Variants in PACS1 observed in about 807,000 individuals in gnomAD.
PACS1 encodes the protein PACS-1.
Under a neutral mutation model 115.0 loss-of-function variants are expected in PACS1, and 24 were observed. The observed-to-expected ratio is 0.21, with a 90% CI of 0.15 to 0.29. PACS1 has a LOEUF of 0.29. PACS1 is among the 10% of genes least tolerant of loss of function. The probability of loss-of-function intolerance (pLI) is 1.00; values close to 1 mark genes in which losing one functional copy is unlikely to be tolerated. For missense variants in PACS1, 838 were observed against 1,251.2 expected (o/e 0.67, Z 4.98); for synonymous variants, 453 against 504.5 (o/e 0.90, Z 1.37).
intron 1 of PACS1, among the ~76,000 whole-genome samples, chr11:66,136,025 G>A (rs745485575): frequency 2.2e-4 from 33 of 152,230 alleles, no homozygotes; most frequent in Middle Eastern, 6.8e-3. Context: ...CTGAAACACT[G>A]TCCACCTGTC....
rs1241998940 is a variant in PACS1 at position 66,194,256 on chromosome 11, G to A, written c.444+683G>A. ...TGGGATTACAGGCGTGAGCCACCGC[G>A]CCCAGCCTGCACTTCAGAGGTTTTC... On this transcript the variant is annotated intron_variant, in intron 2 of 23. Transcript: ENST00000320580. Among the ~76,000 whole-genome samples the A allele has an allele frequency of 2.6e-5, 4 of 152,192 alleles. No individual in the cohort carries two copies. The South Asian group carries it at 8.3e-4, about 31-fold the overall frequency.
chr11:66,079,516 A>T (rs2134498732), intron 1 of PACS1, among the ~76,000 whole-genome samples: 1 of 152,136 alleles, frequency 6.6e-6, no homozygotes. Context: ...GGTACCTCTC[A>T]AACACATTGC....
chr11:66,187,378 T>C (rs184906012), intron 1 of PACS1, among the ~76,000 whole-genome samples: 1 of 152,300 alleles, frequency 6.6e-6, no homozygotes. Flanking sequence ...TTAACTGTAG[T>C]CATCTTTCTG....
At chr11:66,137,640 A>G (rs1858877877) in intron 1 of PACS1, among the ~76,000 whole-genome samples, 2 of 152,142 alleles carry the variant, frequency 1.3e-5, no homozygotes, top group Admixed American at 1.3e-4. Flanking sequence ...GCAGGTTAAT[A>G]AGCATCTCTT....
At position 66,220,633 on chromosome 11, in the gene PACS1, G is replaced by A. The variant is rs1288618173; in HGVS notation, c.1041G>A (p.Val347=). The A allele has an allele frequency of 6.2e-7, 1 of 1,613,706 alleles. No homozygotes were observed. Among genetic ancestry groups the A allele is most frequent in the Admixed American group, 1.7e-5 (1 of 59,874 alleles). ...LLKRFKVSDE[V]GFGLEHVSRE... ...CAGAGACTCCTTTTTCCCTGCAGGT[G>A]GGCTTTGGGCTGGAGCATGTGTCCC... Residue 347 remains valine, a splice_region_variant and synonymous_variant, in exon 9 of 24, where the codon GTG becomes GTA. Transcript: ENST00000320580.
At chr11:66,190,496 G>C (rs1266181806) in intron 1 of PACS1, among the ~76,000 whole-genome samples, 1 of 152,116 alleles carries the variant, frequency 6.6e-6, no homozygotes, top group Non-Finnish European at 1.5e-5. Flanking sequence ...CGCAATCTTG[G>C]CTCACTGCAG....
At chr11:66,104,751 C>T (rs751474247) in intron 1 of PACS1, among the ~76,000 whole-genome samples, 1 of 152,136 alleles carries the variant, frequency 6.6e-6, no homozygotes, top group Admixed American at 6.5e-5. Flanking sequence ...TTGTTTTGCT[C>T]TGTCTTTATC....
At chr11:66,160,782 A>G (rs1407123835) in intron 1 of PACS1, among the ~76,000 whole-genome samples, 2 of 149,488 alleles carry the variant, frequency 1.3e-5, no homozygotes, top group Admixed American at 6.8e-5. Context: ...TCGGCCTCCC[A>G]AAGTGCTGGG....
intron 1 of PACS1, among the ~76,000 whole-genome samples, chr11:66,130,148 C>T (rs1482352457): frequency 6.6e-6 from 1 of 152,154 alleles, no homozygotes. Flanking sequence ...ATGTAACTTT[C>T]AGGGTGAGAA....
chr11:66,200,053 A>C (rs7119561), intron 2 of PACS1, among the ~76,000 whole-genome samples: 31,292 of 142,458 alleles, frequency 0.22, 3,348 homozygotes, highest in Middle Eastern at 0.34. Context: ...CAAAACAAAA[A>C]AAAAAACAAG....
intron 14 of PACS1, among the ~76,000 whole-genome samples, chr11:66,232,564 G>A (rs182102718): frequency 4.6e-5 from 7 of 152,290 alleles, no homozygotes; most frequent in East Asian, 3.9e-4. Context: ...CGCCACATGC[G>A]TCAGGCAGCA....
At chr11:66,154,943 T>C (rs145003234) in intron 1 of PACS1, among the ~76,000 whole-genome samples, 2 of 152,110 alleles carry the variant, frequency 1.3e-5, no homozygotes, top group South Asian at 2.1e-4. Context: ...ATAATAGACA[T>C]GTACATAAAT....
intron 2 of PACS1, 62 bp downstream of exon 2, chr11:66,193,635 C>A: frequency 8.4e-7 from 1 of 1,187,478 alleles, no homozygotes; most frequent in Non-Finnish European, 1.3e-6. Flanking sequence ...TTGCCCACTG[C>A]TGCGGCTTCA....
chr11:66,230,759 G>A, intron 12 of PACS1, 46 bp from the exon 13 acceptor site: 1 of 1,613,612 alleles, frequency 6.2e-7, no homozygotes. Flanking sequence ...AGCAGCTTTG[G>A]GGTTGGAGGG....
At chr11:66,100,072 G>A (rs1857878798) in intron 1 of PACS1, among the ~76,000 whole-genome samples, 1 of 150,854 alleles carries the variant, frequency 6.6e-6, no homozygotes, top group African/African-American at 2.4e-5. Flanking sequence ...TAGAGACGTG[G>A]TCTCGCCATG....
At chr11:66,172,544 G>A (rs1248699215) in intron 1 of PACS1, among the ~76,000 whole-genome samples, 2 of 152,180 alleles carry the variant, frequency 1.3e-5, no homozygotes, top group Non-Finnish European at 2.9e-5. Flanking sequence ...TTGCAAGGCA[G>A]CCACACGGGC....
chr11:66,076,976 A>G (rs112459662), intron 1 of PACS1, among the ~76,000 whole-genome samples: 38 of 152,298 alleles, frequency 2.5e-4, no homozygotes, highest in African/African-American at 8.9e-4. Context: ...GTTGGCAAGC[A>G]CTGACAGGGT....
rs1185372426 is a variant in PACS1 at position 66,230,818 on chromosome 11, G to T, written c.1504G>T (p.Val502Leu). The change falls in exon 13 of 24, where the codon GTG becomes TTG. Residue 502 changes from valine (V) to leucine (L), a missense_variant. Physicochemically the swap from Val to Leu is conservative, Grantham distance 32. Coordinates refer to ENST00000320580, the MANE Select transcript of PACS1 (RefSeq NM_018026.4). The part of the protein sequence containing the change: ...GSASPSKVEG[V>L]HTPRQKRSTP... Reference sequence around the variant, plus strand: ...CCTCCCTGGCAGCAAAGTGGAGGGGGTGCACACACCCCGGCAGAAGAGGAG... The same window carrying T: ...CCTCCCTGGCAGCAAAGTGGAGGGGTTGCACACACCCCGGCAGAAGAGGAG... 6.2e-6 allele frequency: 10 copies of T among 1,614,044 alleles called. No homozygotes were observed. The highest frequency in any genetic ancestry group is 2.2e-5 in the South Asian group (2 of 91,088).
At chr11:66,134,126 G>A (rs72934677) in intron 1 of PACS1, among the ~76,000 whole-genome samples, 3,999 of 151,970 alleles carry the variant, frequency 0.026, 76 homozygotes, top group South Asian at 0.066. Flanking sequence ...CCCCATTAGC[G>A]TAATTCCCCA....
Sources: gnomAD v4.1 joint callset for allele counts (sites outside exome capture counted in the v4.1 genomes callset) on GRCh38, gnomAD v4.1.1 for gene constraint, MANE v1.5 for transcripts, NCBI Gene and HGNC (gene_info 2026-07-23, HGNC 2026-07-21) for gene names.